FLT1: variants seen among roughly 807,000 people sequenced by gnomAD.
FLT1 encodes fms related receptor tyrosine kinase 1, also known as vascular endothelial growth factor receptor 1.
In FLT1, 49 loss-of-function variants were observed where a neutral mutation model predicts 156.3. The observed-to-expected ratio is 0.31, with a 90% CI of 0.25 to 0.40. FLT1 has a LOEUF of 0.40. Among genes scored for constraint, FLT1 ranks in the 10% least tolerant of loss-of-function variants. FLT1 has a pLI of 1.00. For synonymous variants in FLT1, 594 were observed against 583.8 expected, an observed-to-expected ratio of 1.02 and a Z score of -0.25; for missense variants, 1,322 against 1,637.2, an observed-to-expected ratio of 0.81 and a Z score of 3.32.
At chr13:28,324,839 GCTCT>G (rs779788375) in intron 20 of FLT1, among the ~76,000 whole-genome samples, 2 of 152,138 alleles carry the variant, frequency 1.3e-5, no homozygotes, top group Non-Finnish European at 2.9e-5. Flanking sequence ...CAAAACTCAG[GCTCT>G]CTCACTCCCT....
intron 3 of FLT1, among the ~76,000 whole-genome samples, chr13:28,449,180 G>A (rs760676743): frequency 1.3e-5 from 2 of 152,138 alleles, no homozygotes; most frequent in Non-Finnish European, 1.5e-5. Flanking sequence ...CTACTCTGGA[G>A]GCTAAGATAG....
intron 13 of FLT1, chr13:28,387,313 C>CCAAT: frequency 1.9e-6 from 2 of 1,045,260 alleles, no homozygotes; most frequent in Middle Eastern, 4.4e-4. Flanking sequence ...TTCTAAATGA[C>CCAAT]CAATCAACCC....
chr13:28,303,339 G>C lies in FLT1; in HGVS notation c.3845C>G (p.Ser1282Trp). The stretch of plus-strand genomic sequence containing the variant: ...GGGCCTGCTGACATCAGACAGCCCC[G>C]ACTCCTTACTTTTACTGGTTACTCT... ...DLRVTSKSKE[S>W]GLSDVSRPSF... Residue 1282 changes from serine to tryptophan, a missense_variant, in exon 30 of 30, where the codon TCG becomes TGG. By Grantham distance (177) the Ser-to-Trp change is radical (BLOSUM62 -3). This residue lies in a region of FLT1 where 329 missense variants were observed against 366.2 expected (regional missense o/e 0.90). Coordinates refer to ENST00000282397, the MANE Select transcript of FLT1 (RefSeq NM_002019.4). The C allele has an allele frequency of 1.9e-6, 3 of 1,613,978 alleles. No homozygotes were observed. The highest frequency in any genetic ancestry group is 2.5e-6 in the Non-Finnish European group (3 of 1,179,970).
Position 28,390,030 on chromosome 13 carries a change from C to A in FLT1, c.1735G>T (p.Val579Phe), listed in dbSNP as rs1565998975. ...ACGTCTCTGTATAAGAACTTGTTAACTGTGCAAGACAGTTTCAGGTCCTCT... is the reference window on the plus strand; with the variant it reads ...ACGTCTCTGTATAAGAACTTGTTAAATGTGCAAGACAGTTTCAGGTCCTCT... ...EGEDLKLSCT[V>F]NKFLYRDVTW... Residue 579 changes from valine (V) to phenylalanine (F), a missense_variant, in exon 13 of 30, where the codon GTT (valine) becomes TTT (phenylalanine). Around this residue, in one of 3 missense-constraint regions of FLT1, gnomAD observed 991 missense variants for 1,254.8 expected, o/e 0.79. Coordinates refer to ENST00000282397, the MANE Select transcript of FLT1 (RefSeq NM_002019.4). The A allele has an allele frequency of 6.2e-7, 1 of 1,614,212 alleles. No homozygotes were observed. Among genetic ancestry groups the A allele is most frequent in the South Asian group, 1.1e-5 (1 of 91,084 alleles).
chr13:28,442,984 G>A (rs937975983), intron 3 of FLT1, among the ~76,000 whole-genome samples: 28 of 152,196 alleles, frequency 1.8e-4, no homozygotes, highest in African/African-American at 6.8e-4. Flanking sequence ...GCACTGCAGA[G>A]TGATTTCCTG....
At chr13:28,474,882 T>C (rs1268904241) in intron 1 of FLT1, among the ~76,000 whole-genome samples, 8 of 152,212 alleles carry the variant, frequency 5.3e-5, no homozygotes, top group African/African-American at 1.9e-4. Context: ...AAAGCTGCTA[T>C]TTTTAAAAAC....
At chr13:28,399,225 C>G (rs1875270661) in intron 11 of FLT1, 1 of 613,866 alleles carries the variant, frequency 1.6e-6, no homozygotes, top group Non-Finnish European at 2.7e-6. Flanking sequence ...ACAAGGAGCT[C>G]AGATGAAGCC....
intron 14 of FLT1, among the ~76,000 whole-genome samples, chr13:28,382,668 G>A (rs891496049): frequency 6.6e-6 from 1 of 152,176 alleles, no homozygotes; most frequent in Non-Finnish European, 1.5e-5. Flanking sequence ...GGGAAGCAGA[G>A]AAAGGAATGG....
intron 1 of FLT1, among the ~76,000 whole-genome samples, chr13:28,490,988 A>C (rs1163782405): frequency 6.6e-6 from 1 of 152,170 alleles, no homozygotes; most frequent in Admixed American, 6.5e-5. Context: ...CCCCACCCAC[A>C]TACACATATC....
At chr13:28,326,629 G>A (rs1054997217) in intron 20 of FLT1, among the ~76,000 whole-genome samples, 3 of 146,588 alleles carry the variant, frequency 2.0e-5, no homozygotes, top group Non-Finnish European at 3.0e-5. Context: ...AGGCTCAAGC[G>A]ATTCTCCTGC....
intron 1 of FLT1, among the ~76,000 whole-genome samples, chr13:28,486,437 C>T (rs1881171045): frequency 6.6e-6 from 1 of 152,194 alleles, no homozygotes; most frequent in African/African-American, 2.4e-5. Flanking sequence ...GATACGGAGG[C>T]CCGGATGGAG....
chr13:28,427,965 T>C (rs2137540910), intron 8 of FLT1, 44 bp from the exon 9 acceptor site: 2 of 1,530,544 alleles, frequency 1.3e-6, no homozygotes, highest in Non-Finnish European at 1.8e-6. Context: ...ACACGGCCTC[T>C]CAATATCACT....
chr13:28,307,075 T>C (rs867823099), intron 28 of FLT1, among the ~76,000 whole-genome samples: 7 of 152,246 alleles, frequency 4.6e-5, no homozygotes, highest in African/African-American at 1.4e-4. Flanking sequence ...TGCAATTTAT[T>C]GCAACAAAGA....
At chr13:28,388,093 C>T (rs1874478104) in intron 13 of FLT1, 4 of 1,056,928 alleles carry the variant, frequency 3.8e-6, no homozygotes, top group East Asian at 5.3e-5. Flanking sequence ...GCATTGTTTC[C>T]TGAAGGAACA....
intron 10 of FLT1, among the ~76,000 whole-genome samples, chr13:28,408,354 A>G (rs1875935043): frequency 1.3e-5 from 2 of 152,226 alleles, no homozygotes; most frequent in Non-Finnish European, 2.9e-5. Flanking sequence ...AAGCCCTAGT[A>G]TGGAAACTAT....
rs779673172 is a variant in FLT1 at position 28,322,236 on chromosome 13, G to T, written c.3051+26C>A. 29 of 1,416,572 alleles carry T rather than the reference G, an allele frequency of 2.0e-5. No homozygotes were observed. Among genetic ancestry groups the T allele is most frequent in the Non-Finnish European group, 2.8e-5 (28 of 999,842 alleles). 87.8% of individuals were successfully genotyped at this position (1,416,572 alleles called of 1,614,324 possible). A position where few individuals can be genotyped will look rare whatever the true frequency, so the allele number is the denominator to read the frequency against. ...GTGTGTGTCCAGCCCTGGCAGAGAA[G>T]AAAAACAGTAAACAGCAAGACTGAC... On this transcript the variant is annotated intron_variant, in intron 22 of 29. Transcript: ENST00000282397. This position sits in a 1 kb window ranked among gnomAD's most constrained non-coding sequence, Gnocchi z 4.3.
chr13:28,334,876 C>T (rs186038856), intron 17 of FLT1, among the ~76,000 whole-genome samples: 294 of 152,084 alleles, frequency 1.9e-3, no homozygotes, highest in African/African-American at 6.8e-3. Flanking sequence ...GAGTCCTTGC[C>T]CCCCTTTACT....
intron 11 of FLT1, among the ~76,000 whole-genome samples, chr13:28,403,484 C>T (rs1303959923): frequency 6.6e-6 from 1 of 152,180 alleles, no homozygotes; most frequent in Non-Finnish European, 1.5e-5. Context: ...CCAGAAACTT[C>T]ACCTAGCTTT....
At chr13:28,318,561 G>A (rs1036475315) in intron 24 of FLT1, among the ~76,000 whole-genome samples, 3 of 152,170 alleles carry the variant, frequency 2.0e-5, no homozygotes, top group African/African-American at 2.4e-5. Flanking sequence ...GCTGGGAGGC[G>A]TGCAGTGCTG....
Sources: gnomAD v4.1 joint callset for allele counts (sites outside exome capture counted in the v4.1 genomes callset) on GRCh38, gnomAD v4.1.1 for gene constraint, gnomAD v4.1.1 regional missense constraint, Gnocchi (gnomAD v3.1) non-coding constraint, MANE v1.5 for transcripts, NCBI Gene and HGNC (gene_info 2026-07-23, HGNC 2026-07-21) for gene names.